The following LRMDA variants were observed in gnomAD, a reference collection of about 807,000 sequenced individuals.
LRMDA encodes the protein leucine-rich melanocyte differentiation-associated protein.
In LRMDA, 18 loss-of-function variants were observed where a neutral mutation model predicts 29.8. The observed-to-expected ratio is 0.60, with a 90% CI of 0.42 to 0.90. The LOEUF is 0.90. Among genes scored for constraint, LRMDA ranks in the 40% least tolerant of loss-of-function variants. The probability of loss-of-function intolerance (pLI) is 0.00; values close to 1 mark genes in which losing one functional copy is unlikely to be tolerated. For missense variants in LRMDA, 273 were observed against 273.9 expected, an observed-to-expected ratio of 1.00 and a Z score of 0.02; for synonymous variants, 125 against 109.4, an observed-to-expected ratio of 1.14 and a Z score of -0.89.
intron 2 of LRMDA, among the ~76,000 whole-genome samples, chr10:75,802,634 A>G (rs970542949): frequency 6.6e-6 from 1 of 152,058 alleles, no homozygotes; most frequent in Non-Finnish European, 1.5e-5. Flanking sequence ...TCTTAGCAAT[A>G]GCTTCAAGAA....
At chr10:76,487,706 A>G (rs1842796233) in intron 6 of LRMDA, among the ~76,000 whole-genome samples, 1 of 151,848 alleles carries the variant, frequency 6.6e-6, no homozygotes. Flanking sequence ...ACTAAAGCTA[A>G]CTTGGATTGA....
chr10:76,024,763 A>G (rs1848033321), intron 2 of LRMDA, among the ~76,000 whole-genome samples: 1 of 152,200 alleles, frequency 6.6e-6, no homozygotes, highest in Admixed American at 6.5e-5. Context: ...GTTGGCTTGC[A>G]ATGAGTAGAC....
intron 5 of LRMDA, among the ~76,000 whole-genome samples, chr10:76,235,270 A>G (rs1852131039): frequency 6.6e-6 from 1 of 152,204 alleles, no homozygotes; most frequent in Non-Finnish European, 1.5e-5. Flanking sequence ...TTCTATGAGC[A>G]TGATTCATGG....
chr10:75,476,495 C>A (rs1179483665), intron 2 of LRMDA, among the ~76,000 whole-genome samples: 1 of 152,202 alleles, frequency 6.6e-6, no homozygotes, highest in African/African-American at 2.4e-5. Flanking sequence ...CATGTTCTCA[C>A]ACCCTTAAGG....
intron 2 of LRMDA, among the ~76,000 whole-genome samples, chr10:75,714,413 T>C (rs903917151): frequency 2.0e-5 from 3 of 152,234 alleles, no homozygotes; most frequent in African/African-American, 7.2e-5. Flanking sequence ...CAGAGCTGGC[T>C]AACTGCTTGG....
intron 5 of LRMDA, among the ~76,000 whole-genome samples, chr10:76,236,297 C>T (rs1348401170): frequency 1.3e-5 from 2 of 152,170 alleles, no homozygotes; most frequent in East Asian, 3.8e-4. Context: ...ACACCAGATC[C>T]TGACTATTTG....
At chr10:76,472,033 T>G (rs575216401) in intron 6 of LRMDA, among the ~76,000 whole-genome samples, 1 of 151,668 alleles carries the variant, frequency 6.6e-6, no homozygotes, top group Non-Finnish European at 1.5e-5. Flanking sequence ...AGACAAAATA[T>G]CAAGGAAATA....
Position 75,893,697 on chromosome 10 carries a change from A to G in LRMDA, c.132-142311A>G, listed in dbSNP as rs1845533465. Among the ~76,000 whole-genome samples, 4 of 152,132 alleles carry G rather than the reference A, an allele frequency of 2.6e-5. No individual in the cohort carries two copies. The South Asian group carries it at 8.3e-4, about 31-fold the overall frequency. On this transcript the variant is annotated intron_variant, in intron 2 of 6. Transcript: ENST00000611255. ...ACACCTGTAATCCCAGCACTTTGGG[A>G]GGCCGAGGCGGGTGGACCTTGAGGT...
At chr10:75,517,724 C>T (rs1367529726) in intron 2 of LRMDA, among the ~76,000 whole-genome samples, 2 of 152,192 alleles carry the variant, frequency 1.3e-5, no homozygotes, top group Admixed American at 6.5e-5. Context: ...CTGGGCAGAA[C>T]TTCTAACACT....
At chr10:75,486,595 G>A (rs1279323928) in intron 2 of LRMDA, among the ~76,000 whole-genome samples, 2 of 152,102 alleles carry the variant, frequency 1.3e-5, no homozygotes, top group African/African-American at 4.8e-5. Flanking sequence ...GAGTCTTGAA[G>A]AGCAAGTAGA....
At chr10:75,667,530 C>A (rs1483410771) in intron 2 of LRMDA, among the ~76,000 whole-genome samples, 4 of 152,134 alleles carry the variant, frequency 2.6e-5, no homozygotes, top group Non-Finnish European at 5.9e-5. Flanking sequence ...AAACTCCTGG[C>A]CTCAAAAGAA....
At chr10:75,988,965 G>T (rs1328742392) in intron 2 of LRMDA, among the ~76,000 whole-genome samples, 1 of 152,134 alleles carries the variant, frequency 6.6e-6, no homozygotes, top group Admixed American at 6.5e-5. Context: ...TCCCTGTTGA[G>T]AATGACCCCT....
At chr10:75,841,889 C>T (rs1041626892) in intron 2 of LRMDA, among the ~76,000 whole-genome samples, 10 of 152,188 alleles carry the variant, frequency 6.6e-5, no homozygotes, top group African/African-American at 2.2e-4. Context: ...TGTAGTACAA[C>T]TAGCCCTGGG....
At position 76,209,020 on chromosome 10, in the gene LRMDA, G is replaced by C. The variant is rs1460390566; in HGVS notation, c.517-115381G>C. The stretch of plus-strand genomic sequence containing the variant: ...AATACAAAAATCAGCCAGGTGTGGT[G>C]GTGGGCACCTATAATTCCAGCTACG... On this transcript the variant is annotated intron_variant, in intron 5 of 6. Transcript: ENST00000611255. 3.3e-5 allele frequency among the ~76,000 whole-genome samples: 5 copies of C among 152,010 alleles called. No individual in the cohort carries two copies. In the East Asian group the frequency reaches 5.8e-4, roughly 18 times the overall value.
At chr10:76,307,702 A>G (rs1466877714) in intron 5 of LRMDA, among the ~76,000 whole-genome samples, 1 of 152,288 alleles carries the variant, frequency 6.6e-6, no homozygotes, top group South Asian at 2.1e-4. Context: ...TGGAACTTAC[A>G]GGAAAGAGAA....
intron 5 of LRMDA, among the ~76,000 whole-genome samples, chr10:76,147,406 A>T (rs1232275199): frequency 2.0e-5 from 3 of 151,538 alleles, no homozygotes; most frequent in Non-Finnish European, 4.4e-5. Context: ...TTTTCTCTAA[A>T]CTTCTCTTCT....
chr10:75,762,824 A>T lies in LRMDA; in HGVS notation c.132-273184A>T, dbSNP rs1474682872. 5.3e-5 allele frequency among the ~76,000 whole-genome samples: 8 copies of T among 152,330 alleles called. No homozygotes were observed. The East Asian group carries it at 1.2e-3, about 22-fold the overall frequency. On this transcript the variant is annotated intron_variant, in intron 2 of 6. Coordinates refer to ENST00000611255, the MANE Select transcript of LRMDA (RefSeq NM_001305581.2). ...TAATTATATGTGGTCTCATATATAT[A>T]TGAGACCTCTCATAATGAGATTTAT...
chr10:76,037,317 G>A (rs1848266651), intron 3 of LRMDA, among the ~76,000 whole-genome samples: 2 of 152,182 alleles, frequency 1.3e-5, no homozygotes, highest in South Asian at 4.1e-4. Flanking sequence ...TAAACCACTT[G>A]TTCACATTCA....
chr10:75,815,221 T>A (rs959557741), intron 2 of LRMDA, among the ~76,000 whole-genome samples: 8 of 152,196 alleles, frequency 5.3e-5, no homozygotes, highest in African/African-American at 1.9e-4. Context: ...TAAAGCCAAA[T>A]GTCCAGCAAA....
Sources: gnomAD v4.1 joint callset for allele counts (sites outside exome capture counted in the v4.1 genomes callset) on GRCh38, gnomAD v4.1.1 for gene constraint, MANE v1.5 for transcripts, NCBI Gene and HGNC (gene_info 2026-07-23, HGNC 2026-07-21) for gene names.